GRIK2: variants seen among roughly 807,000 people sequenced by gnomAD.
The protein encoded by GRIK2 is glutamate ionotropic receptor kainate type subunit 2.
GRIK2 carries 32 observed loss-of-function variants against 100.3 expected under a neutral mutation model. That is an observed-to-expected ratio of 0.32 (90% CI 0.24 to 0.43). The LOEUF (loss-of-function observed/expected upper bound fraction) is 0.43, where lower values mean the gene tolerates loss of function less well. Ranked by LOEUF, GRIK2 falls within the 20% of genes least tolerant of loss-of-function variation. The pLI is 1.00. For synonymous variants in GRIK2, 417 were observed against 389.4 expected (o/e 1.07, Z -0.83); for missense variants, 843 against 1,114.9 (o/e 0.76, Z 3.47).
chr6:101,408,456 A>T (rs761744474), intron 2 of GRIK2, among the ~76,000 whole-genome samples: 4 of 152,032 alleles, frequency 2.6e-5, no homozygotes, highest in Non-Finnish European at 5.9e-5. Context: ...GGTATTATGG[A>T]TGCTAAGAAG....
intron 2 of GRIK2, among the ~76,000 whole-genome samples, chr6:101,459,025 G>A (rs1316998118): frequency 6.6e-6 from 1 of 151,900 alleles, no homozygotes; most frequent in African/African-American, 2.4e-5. Context: ...GAAAAAAGTT[G>A]GAGTAATAAT....
chr6:101,891,159 A>AT (rs984129731), intron 12 of GRIK2, among the ~76,000 whole-genome samples: 7 of 150,600 alleles, frequency 4.6e-5, no homozygotes, highest in East Asian at 3.9e-4. Context: ...GAAGTAATGT[A>AT]TTTTTTTTCT....
rs71028069 is a variant in GRIK2, at chr6:101,464,497, C to CTTTTTTTTTTTTTTTT, written c.115+65128_115+65143dup. Among the ~76,000 whole-genome samples, 39 of 62,034 alleles carry CTTTTTTTTTTTTTTTT rather than the reference C, an allele frequency of 6.3e-4. 4 individuals are homozygous for CTTTTTTTTTTTTTTTT. The highest frequency in any genetic ancestry group is 9.8e-4 in the Non-Finnish European group (33 of 33,786). 40.7% of individuals were successfully genotyped at this position (62,034 alleles called of 152,430 possible). On this transcript the variant is annotated intron_variant, in intron 2 of 16. Transcript: ENST00000369134. ...TAATTTTTACCTTTTCTTTTTCTTT[C>CTTTTTTTTTTTTTTTT]TTTTTTTTTTTTTTTTTTTTTTTTT... is the stretch of plus-strand genomic sequence containing the variant.
intron 4 of GRIK2, among the ~76,000 whole-genome samples, chr6:101,641,470 T>C (rs1181780734): frequency 6.6e-6 from 1 of 152,022 alleles, no homozygotes; most frequent in Non-Finnish European, 1.5e-5. Flanking sequence ...TCCAAAAATA[T>C]GGCTGAAGGT....
chr6:102,021,155 T>C (rs1029497658), intron 14 of GRIK2, among the ~76,000 whole-genome samples: 2 of 151,776 alleles, frequency 1.3e-5, no homozygotes, highest in African/African-American at 4.8e-5. Context: ...AAAATCTGAA[T>C]GATAAAGACA....
chr6:101,864,242 A>T (rs1231553107), intron 11 of GRIK2, among the ~76,000 whole-genome samples: 1 of 152,186 alleles, frequency 6.6e-6, no homozygotes, highest in Non-Finnish European at 1.5e-5. Flanking sequence ...CATCAGTGAG[A>T]CAGCAGAGTT....
chr6:101,960,783 A>G (rs1472369484), intron 14 of GRIK2, among the ~76,000 whole-genome samples: 1 of 152,146 alleles, frequency 6.6e-6, no homozygotes, highest in Non-Finnish European at 1.5e-5. Context: ...CTGACAGAAG[A>G]TTTTTAATTT....
At chr6:101,975,793 G>GTCTGTCTATCTATCTGTCTA (rs1793328591) in intron 14 of GRIK2, among the ~76,000 whole-genome samples, 3 of 96,936 alleles carry the variant, frequency 3.1e-5, no homozygotes, top group Admixed American at 1.1e-4. Flanking sequence ...CTGTCTGTCT[G>GTCTGTCTATCTATCTGTCTA]TCTATCTATC....
chr6:101,692,512 C>G (rs117814837), intron 7 of GRIK2, among the ~76,000 whole-genome samples: 2 of 152,150 alleles, frequency 1.3e-5, no homozygotes, highest in Non-Finnish European at 2.9e-5. Context: ...AAGATAGTAA[C>G]TGTTTTTCTG....
intron 14 of GRIK2, among the ~76,000 whole-genome samples, chr6:101,987,014 G>T (rs1298768065): frequency 6.6e-6 from 1 of 151,618 alleles, no homozygotes; most frequent in African/African-American, 2.4e-5. Flanking sequence ...CTGGTGGCAC[G>T]CAACTGTAGA....
chr6:101,553,150 A>T (rs1229911379), intron 2 of GRIK2, among the ~76,000 whole-genome samples: 4 of 152,232 alleles, frequency 2.6e-5, no homozygotes, highest in African/African-American at 9.6e-5. Context: ...ACAATTGAGT[A>T]CAATGTCATA....
chr6:101,938,167 A>G (rs1427295674), intron 14 of GRIK2, among the ~76,000 whole-genome samples: 5 of 151,922 alleles, frequency 3.3e-5, no homozygotes, highest in Non-Finnish European at 2.9e-5. Flanking sequence ...GAGATTTACT[A>G]TTATTTGCTG....
At chr6:101,493,563 G>A (rs1773255720) in intron 2 of GRIK2, among the ~76,000 whole-genome samples, 1 of 151,788 alleles carries the variant, frequency 6.6e-6, no homozygotes, top group African/African-American at 2.4e-5. Flanking sequence ...CACAAATTTT[G>A]GGAAATATTT....
At chr6:101,471,306 A>T (rs1462397568) in intron 2 of GRIK2, among the ~76,000 whole-genome samples, 1 of 152,056 alleles carries the variant, frequency 6.6e-6, no homozygotes, top group Non-Finnish European at 1.5e-5. Flanking sequence ...CTAATCCTAA[A>T]TTTTAAGAAA....
chr6:101,693,546 A>G (rs1032786845), intron 7 of GRIK2, among the ~76,000 whole-genome samples: 1 of 151,998 alleles, frequency 6.6e-6, no homozygotes, highest in South Asian at 2.1e-4. Context: ...TGCAGCACCT[A>G]CTCACACTGA....
intron 7 of GRIK2, among the ~76,000 whole-genome samples, chr6:101,725,827 T>C (rs1040892602): frequency 6.6e-6 from 1 of 152,026 alleles, no homozygotes; most frequent in Non-Finnish European, 1.5e-5. Context: ...TCAAATGACA[T>C]ATTGTGTTCA....
At chr6:101,619,254 G>A (rs902223880) in intron 2 of GRIK2, among the ~76,000 whole-genome samples, 4 of 150,674 alleles carry the variant, frequency 2.7e-5, no homozygotes, top group Non-Finnish European at 4.4e-5. Context: ...TGTCTTAAAA[G>A]GTTGCGTTAT....
intron 7 of GRIK2, among the ~76,000 whole-genome samples, chr6:101,797,820 A>G (rs1366043301): frequency 3.4e-5 from 5 of 147,666 alleles, no homozygotes; most frequent in Non-Finnish European, 7.5e-5. Context: ...TATATATTAT[A>G]TATAAAACCA....
chr6:101,471,859 CAA>C (rs1385190708), intron 2 of GRIK2, among the ~76,000 whole-genome samples: 9 of 151,710 alleles, frequency 5.9e-5, no homozygotes, highest in Non-Finnish European at 1.3e-4. Context: ...ATTAATAGCT[CAA>C]GTTTAGTTTA....
Sources: allele counts gnomAD v4.1 joint callset (sites outside exome capture counted in the v4.1 genomes callset), GRCh38; gene constraint gnomAD v4.1.1; transcripts MANE v1.5; gene names NCBI Gene and HGNC (gene_info 2026-07-23, HGNC 2026-07-21).